CTNND2: variants seen among roughly 807,000 people sequenced by gnomAD.
CTNND2 encodes the protein catenin delta-2.
In CTNND2, 22 loss-of-function variants were observed where a neutral mutation model predicts 144.4. The observed-to-expected ratio is 0.15, with a 90% CI of 0.11 to 0.22. The LOEUF (loss-of-function observed/expected upper bound fraction) is 0.22. Ranked by LOEUF, CTNND2 falls within the 10% of genes least tolerant of loss-of-function variation. CTNND2 has a pLI of 1.00. For missense variants in CTNND2, 1,353 were observed against 1,618.8 expected (o/e 0.84, Z 2.82); for synonymous variants, 751 against 695.6 (o/e 1.08, Z -1.25).
chr5:11,395,782 A>G (rs542917210), intron 6 of CTNND2, among the ~76,000 whole-genome samples: 4 of 152,196 alleles, frequency 2.6e-5, no homozygotes, highest in Non-Finnish European at 5.9e-5. Context: ...CAGTAATTTA[A>G]TGTTAGTAGT....
Position 11,879,354 on chromosome 5 carries a change from T to TATACACAC in CTNND2, c.37+24462_37+24463insGTGTGTAT, listed in dbSNP as rs1553988812. On this transcript the variant is annotated intron_variant, in intron 1 of 21. Coordinates refer to ENST00000304623, the MANE Select transcript of CTNND2 (RefSeq NM_001332.4). ...AATTAAATGTGTGTATATATATATATATACATATACACACACACACAAACA... is the reference window on the plus strand; with the variant it reads ...AATTAAATGTGTGTATATATATATATATACACACATACATATACACACACACACAAACA... Among the ~76,000 whole-genome samples the TATACACAC allele has an allele frequency of 1.4e-5, 2 of 139,728 alleles. 1 individual carries two copies. The highest frequency in any genetic ancestry group is 5.1e-5 in the African/African-American group (2 of 39,032). 91.7% of individuals were successfully genotyped at this position (139,728 alleles called of 152,430 possible).
At chr5:11,211,985 C>A (rs531610872) in intron 10 of CTNND2, among the ~76,000 whole-genome samples, 2 of 151,796 alleles carry the variant, frequency 1.3e-5, no homozygotes, top group African/African-American at 4.8e-5. Context: ...TTCATTAAAC[C>A]GGTAAAAATT....
chr5:11,304,391 C>T (rs1749958317), intron 9 of CTNND2, among the ~76,000 whole-genome samples: 1 of 152,006 alleles, frequency 6.6e-6, no homozygotes, highest in Non-Finnish European at 1.5e-5. Flanking sequence ...AGGCACACCA[C>T]ACACACTTAC....
intron 16 of CTNND2, among the ~76,000 whole-genome samples, chr5:11,025,179 T>A (rs1742692426): frequency 6.6e-6 from 1 of 152,222 alleles, no homozygotes; most frequent in Non-Finnish European, 1.5e-5. Context: ...TTAGTCCAAA[T>A]TTTTGACCAT....
rs181974965 is a variant in CTNND2, at chr5:11,183,889, C to T, written c.1975+15559G>A. 1.2e-4 allele frequency among the ~76,000 whole-genome samples: 18 copies of T among 152,192 alleles called. No homozygotes were observed. In the East Asian group the frequency reaches 3.5e-3, roughly 29 times the overall value. ...TTGTGTACTCTCTCTCTTTCTCACT[C>T]GCTCATGCTGTCTCTCTCTGTCCCT... is the stretch of plus-strand genomic sequence containing the variant. On this transcript the variant is annotated intron_variant, in intron 11 of 21. Transcript: ENST00000304623.
intron 16 of CTNND2, among the ~76,000 whole-genome samples, chr5:11,077,318 A>G (rs557159016): frequency 2.0e-4 from 30 of 152,320 alleles, no homozygotes; most frequent in Admixed American, 5.2e-4. Flanking sequence ...TGTGGAGAAA[A>G]TTAAGCAGGG....
At chr5:11,814,142 T>C (rs1426273282) in intron 1 of CTNND2, among the ~76,000 whole-genome samples, 1 of 152,236 alleles carries the variant, frequency 6.6e-6, no homozygotes, top group Non-Finnish European at 1.5e-5. Flanking sequence ...GTAACAATAA[T>C]GGAAGTCAAA....
intron 1 of CTNND2, among the ~76,000 whole-genome samples, chr5:11,816,408 G>A (rs1792659580): frequency 6.6e-6 from 1 of 151,756 alleles, no homozygotes; most frequent in Admixed American, 6.6e-5. Flanking sequence ...GTTTGAGAGA[G>A]GGAGTCCCAA....
chr5:11,278,991 C>T (rs575014723), intron 9 of CTNND2, among the ~76,000 whole-genome samples: 4 of 152,242 alleles, frequency 2.6e-5, no homozygotes, highest in East Asian at 1.9e-4. Context: ...TCCAGTCTCA[C>T]GACTTTAAGT....
chr5:11,166,017 A>T (rs1759288353), intron 11 of CTNND2, among the ~76,000 whole-genome samples: 1 of 152,182 alleles, frequency 6.6e-6, no homozygotes, highest in Non-Finnish European at 1.5e-5. Flanking sequence ...ACGTAGCATG[A>T]ATCCTCTCAT....
chr5:11,409,908 C>G (rs1255963823), intron 5 of CTNND2, among the ~76,000 whole-genome samples: 1 of 152,018 alleles, frequency 6.6e-6, no homozygotes, highest in African/African-American at 2.4e-5. Context: ...ATTTTCCCTT[C>G]TATTTTAATT....
At chr5:11,631,061 TGTA>T (rs1781388581) in intron 2 of CTNND2, among the ~76,000 whole-genome samples, 1 of 152,198 alleles carries the variant, frequency 6.6e-6, no homozygotes, top group Admixed American at 6.6e-5. Context: ...TCAATTTTGA[TGTA>T]GTAATATAAT....
chr5:11,558,045 AG>A (rs1776369136), intron 3 of CTNND2, among the ~76,000 whole-genome samples: 1 of 152,240 alleles, frequency 6.6e-6, no homozygotes, highest in Non-Finnish European at 1.5e-5. Flanking sequence ...TAATTAACAA[AG>A]GGGGAGGTGA....
intron 16 of CTNND2, among the ~76,000 whole-genome samples, chr5:11,066,304 C>G (rs967640461): frequency 6.6e-6 from 1 of 152,234 alleles, no homozygotes; most frequent in Admixed American, 6.5e-5. Flanking sequence ...TCCCAAAGTG[C>G]TGGGATTACA....
chr5:11,498,700 G>T (rs559633342), intron 3 of CTNND2, among the ~76,000 whole-genome samples: 1 of 152,226 alleles, frequency 6.6e-6, no homozygotes, highest in South Asian at 2.1e-4. Context: ...GGCCCTTCGC[G>T]TATAGCTAGA....
At chr5:11,260,005 C>A (rs1744695712) in intron 9 of CTNND2, among the ~76,000 whole-genome samples, 1 of 152,174 alleles carries the variant, frequency 6.6e-6, no homozygotes, top group Non-Finnish European at 1.5e-5. Context: ...ATTTTTCCAA[C>A]TCATTTATGA....
intron 1 of CTNND2, among the ~76,000 whole-genome samples, chr5:11,831,450 C>T (rs1314839028): frequency 1.3e-4 from 20 of 151,944 alleles, no homozygotes; most frequent in African/African-American, 4.3e-4. Flanking sequence ...GGGTAGATCA[C>T]GAGGTCAGGA....
intron 3 of CTNND2, among the ~76,000 whole-genome samples, chr5:11,544,427 A>T (rs1396425022): frequency 6.6e-6 from 1 of 152,254 alleles, no homozygotes; most frequent in Non-Finnish European, 1.5e-5. Flanking sequence ...CGTATGACTC[A>T]ATGATGCCAC....
intron 11 of CTNND2, among the ~76,000 whole-genome samples, chr5:11,196,629 A>C (rs888749753): frequency 6.6e-6 from 1 of 152,254 alleles, no homozygotes; most frequent in African/African-American, 2.4e-5. Flanking sequence ...ACGTGAAGCC[A>C]GCCTTTCTTC....
Sources: gnomAD v4.1 joint callset for allele counts (sites outside exome capture counted in the v4.1 genomes callset) on GRCh38, gnomAD v4.1.1 for gene constraint, MANE v1.5 for transcripts, NCBI Gene and HGNC (gene_info 2026-07-23, HGNC 2026-07-21) for gene names.